HHIP: variants seen among roughly 807,000 people sequenced by gnomAD.
The protein encoded by HHIP is hedgehog-interacting protein.
A neutral mutation model predicts 74.0 loss-of-function variants in HHIP; 12 were observed. That is an observed-to-expected ratio of 0.16 (90% CI 0.10 to 0.26). HHIP has a LOEUF of 0.26. Ranked by LOEUF, HHIP falls within the 10% of genes least tolerant of loss-of-function variation. HHIP has a pLI of 1.00. For synonymous variants in HHIP, 309 were observed against 311.6 expected, an observed-to-expected ratio of 0.99 and a Z score of 0.09; for missense variants, 788 against 845.0, an observed-to-expected ratio of 0.93 and a Z score of 0.84.
intron 4 of HHIP, chr4:144,685,785 C>T (rs1188362896): frequency 6.6e-6 from 1 of 152,192 alleles, no homozygotes; most frequent in Non-Finnish European, 1.5e-5. Flanking sequence ...AATTATTGCT[C>T]TTTTTATTAA....
chr4:144,697,116 T>C (rs1729842914), intron 4 of HHIP, among the ~76,000 whole-genome samples: 1 of 152,076 alleles, frequency 6.6e-6, no homozygotes, highest in African/African-American at 2.4e-5. Flanking sequence ...CAAAGCTTTT[T>C]CTAATTGTAA....
Position 144,740,847 on chromosome 4 carries a change from A to G in HHIP, c.*2890A>G, listed in dbSNP as rs1208850031. 6.6e-6 allele frequency: 1 copy of G among 152,220 alleles called. No individual in the cohort carries two copies. Among genetic ancestry groups the G allele is most frequent in the African/African-American group, 2.4e-5 (1 of 41,456 alleles). The allele number at this position is 152,220 out of a possible 1,614,324, so 9.4% of individuals were successfully genotyped here. A position where few individuals can be genotyped will look rare whatever the true frequency, so the allele number is the denominator to read the frequency against. On this transcript the variant is annotated 3_prime_UTR_variant, in exon 13 of 13. Transcript: ENST00000296575. Reference sequence around the variant, plus strand: ...ATGAAAAAGAAAAATGTATATTATTATTCCCTTGTCCATTCTCAAGTTTAA... The same window carrying G: ...ATGAAAAAGAAAAATGTATATTATTGTTCCCTTGTCCATTCTCAAGTTTAA...
intron 6 of HHIP, 86 bp from the exon 7 acceptor site, chr4:144,708,082 A>G (rs1202360753): frequency 4.3e-6 from 6 of 1,398,820 alleles, no homozygotes; most frequent in Non-Finnish European, 6.0e-6. Flanking sequence ...TGATTTTTTC[A>G]TCAATAGAGC....
At chr4:144,681,421 C>CTT (rs139951678) in intron 4 of HHIP, among the ~76,000 whole-genome samples, 198 of 101,374 alleles carry the variant, frequency 2.0e-3, no homozygotes, top group East Asian at 3.8e-3. Flanking sequence ...TTGCAGAGTT[C>CTT]TTTTTTTTTT....
chr4:144,722,590 C>T lies in HHIP; in HGVS notation c.1760+3634C>T, dbSNP rs187204582. Among the ~76,000 whole-genome samples, 200 of 152,192 alleles carry T rather than the reference C, an allele frequency of 1.3e-3. 1 individual carries two copies. The highest frequency in any genetic ancestry group is 3.4e-3 in the Middle Eastern group (1 of 294). On this transcript the variant is annotated intron_variant, in intron 11 of 12. Transcript: ENST00000296575. Reference sequence around the variant, plus strand: ...CAGTAGAGCCAGGTGTGGTGGCCCACGCCTGTAATCCCAGCACTTTGGGAG... The same window carrying T: ...CAGTAGAGCCAGGTGTGGTGGCCCATGCCTGTAATCCCAGCACTTTGGGAG...
intron 1 of HHIP, 87 bp downstream of exon 1, chr4:144,647,041 A>G (rs1728284300): frequency 8.0e-7 from 1 of 1,257,360 alleles, no homozygotes; most frequent in Admixed American, 2.3e-5. Flanking sequence ...GGTGGTTGTA[A>G]GAAGGTCAAA....
intron 4 of HHIP, among the ~76,000 whole-genome samples, chr4:144,673,289 G>A (rs1578689707): frequency 6.6e-6 from 1 of 152,024 alleles, no homozygotes; most frequent in African/African-American, 2.4e-5. Flanking sequence ...TTTTACACAT[G>A]GTGTTTCCAA....
In HHIP at chr4:144,683,890, C is replaced by T. The variant is rs539435241; in HGVS notation, c.832-22641C>T. On this transcript the variant is annotated intron_variant, in intron 4 of 12. Coordinates refer to ENST00000296575, the MANE Select transcript of HHIP (RefSeq NM_022475.3). ...GATGGTCAATTAGTGATTCTGAGCA[C>T]ACTCCTCCCTGAGAAGTTGTGTTGC... Among the ~76,000 whole-genome samples the T allele has an allele frequency of 1.5e-3, 221 of 151,970 alleles. 5 individuals carry two copies. The highest frequency in any genetic ancestry group is 5.1e-3 in the African/African-American group (210 of 41,446).
intron 2 of HHIP, among the ~76,000 whole-genome samples, chr4:144,656,092 C>T (rs988835912): frequency 2.6e-5 from 4 of 152,032 alleles, no homozygotes; most frequent in African/African-American, 9.7e-5. Context: ...AAAAGGGAGC[C>T]CTGGCAATAA....
chr4:144,668,437 T>A (rs1728939118), intron 4 of HHIP, among the ~76,000 whole-genome samples: 1 of 151,896 alleles, frequency 6.6e-6, no homozygotes, highest in Admixed American at 6.5e-5. Flanking sequence ...ATCAGTGAAA[T>A]GTGCTGAAGA....
At position 144,734,741 on chromosome 4, in the gene HHIP, A is replaced by G. The variant is rs201212402; in HGVS notation, c.1761A>G (p.Arg587=). 8 of 1,565,136 alleles carry G rather than the reference A, an allele frequency of 5.1e-6. No homozygotes were observed. In the South Asian group the frequency reaches 7.0e-5, roughly 14 times the overall value. The part of the protein sequence containing the change: ...GKLYKIVDPK[R]PLMPEECRAT... The stretch of plus-strand genomic sequence containing the variant: ...TTTCAACTATTGTGTTTTAATGTAG[A>G]CCTTTAATGCCTGAGGAATGCAGAG... The change falls in exon 12 of 13, where the codon AGA becomes AGG. Residue 587 remains arginine, a splice_region_variant and synonymous_variant. Coordinates refer to ENST00000296575, the MANE Select transcript of HHIP (RefSeq NM_022475.3).
intron 4 of HHIP, among the ~76,000 whole-genome samples, chr4:144,672,726 G>T (rs1729072363): frequency 6.6e-6 from 1 of 151,918 alleles, no homozygotes; most frequent in Non-Finnish European, 1.5e-5. Context: ...ATTTGAGATG[G>T]AGTCTTGCTT....
intron 2 of HHIP, among the ~76,000 whole-genome samples, chr4:144,653,665 C>A (rs1728482994): frequency 6.6e-6 from 1 of 152,108 alleles, no homozygotes; most frequent in African/African-American, 2.4e-5. Context: ...AAGGAAAAAA[C>A]AAGCTTTAAG....
intron 11 of HHIP, among the ~76,000 whole-genome samples, chr4:144,723,919 A>G (rs1257159980): frequency 6.6e-6 from 1 of 152,196 alleles, no homozygotes; most frequent in Non-Finnish European, 1.5e-5. Context: ...GTATCCAGTA[A>G]CCAAAGATGA....
At chr4:144,725,663 C>CGTGTGT (rs113672793) in intron 11 of HHIP, among the ~76,000 whole-genome samples, 2 of 144,596 alleles carry the variant, frequency 1.4e-5, no homozygotes, top group African/African-American at 5.0e-5. Flanking sequence ...TGTGCGCGTG[C>CGTGTGT]GTGTGTGTGT....
intron 7 of HHIP, among the ~76,000 whole-genome samples, chr4:144,711,135 C>T (rs919594300): frequency 5.3e-5 from 8 of 152,164 alleles, no homozygotes; most frequent in African/African-American, 1.7e-4. Context: ...AAAACAGAGT[C>T]AACGTAAAAG....
At chr4:144,687,718 T>C (rs1055524173) in intron 4 of HHIP, among the ~76,000 whole-genome samples, 5 of 151,480 alleles carry the variant, frequency 3.3e-5, no homozygotes, top group African/African-American at 1.2e-4. Context: ...GTCAGTGCTT[T>C]AGATGTTTCA....
intron 11 of HHIP, among the ~76,000 whole-genome samples, chr4:144,727,942 T>G (rs552979425): frequency 6.6e-6 from 1 of 152,352 alleles, no homozygotes; most frequent in East Asian, 1.9e-4. Flanking sequence ...TAACTAGCTG[T>G]GTGAAAGCCA....
chr4:144,652,691 G>A lies in HHIP; in HGVS notation c.366G>A (p.Leu122=). 1 of 1,611,428 alleles carries A rather than the reference G, an allele frequency of 6.2e-7. No individual in the cohort carries two copies. Among genetic ancestry groups the A allele is most frequent in the Non-Finnish European group, 8.5e-7 (1 of 1,177,662 alleles). The change falls in exon 2 of 13, where the codon CTG becomes CTA. Residue 122 remains leucine (L), a synonymous_variant. Coordinates refer to ENST00000296575, the MANE Select transcript of HHIP (RefSeq NM_022475.3). ...CALCSPHSQS[L]FHSPEREVLE... ...TTTGCTCTCCACATTCTCAAAGCCT[G>A]TTCCACTCACCTGAGAGAGAAGTCT...
Sources: allele counts gnomAD v4.1 joint callset (sites outside exome capture counted in the v4.1 genomes callset), GRCh38; gene constraint gnomAD v4.1.1; transcripts MANE v1.5; gene names NCBI Gene and HGNC (gene_info 2026-07-23, HGNC 2026-07-21).